The following SNTG2 variants were observed in gnomAD, a reference collection of about 807,000 sequenced individuals.
SNTG2 encodes the protein gamma-2-syntrophin.
Under a neutral mutation model 70.9 loss-of-function variants are expected in SNTG2, and 74 were observed. That is an observed-to-expected ratio of 1.04 (90% CI 0.86 to 1.27). SNTG2 has a LOEUF of 1.27. Among genes scored for constraint, SNTG2 ranks in the 50% most tolerant of loss-of-function variants. SNTG2 has a pLI of 0.00. For synonymous variants in SNTG2, 278 were observed against 273.8 expected, an observed-to-expected ratio of 1.02 and a Z score of -0.15; for missense variants, 717 against 690.7, an observed-to-expected ratio of 1.04 and a Z score of -0.43.
chr2:1,140,552 A>G (rs1012209387), intron 6 of SNTG2, among the ~76,000 whole-genome samples: 1 of 152,186 alleles, frequency 6.6e-6, no homozygotes, highest in Admixed American at 6.5e-5. Context: ...ACTGATCCCG[A>G]GTGAGGCGCT....
chr2:1,302,271 ATTATGTTTTATGG>A (rs1369286665), intron 14 of SNTG2, among the ~76,000 whole-genome samples: 2 of 152,094 alleles, frequency 1.3e-5, no homozygotes, highest in Admixed American at 1.3e-4. Flanking sequence ...TGTTTACTAA[ATTATGTTTTATGG>A]TCGAAGAAAA....
chr2:1,006,089 A>G (rs1453415367), intron 1 of SNTG2, among the ~76,000 whole-genome samples: 1 of 146,848 alleles, frequency 6.8e-6, no homozygotes, highest in Admixed American at 7.0e-5. Flanking sequence ...AACACCGCAT[A>G]TTCTCACTCA....
intron 14 of SNTG2, among the ~76,000 whole-genome samples, chr2:1,285,236 G>A (rs920204346): frequency 4.6e-5 from 7 of 151,964 alleles, no homozygotes; most frequent in Non-Finnish European, 1.0e-4. Context: ...ATTAAGGGTG[G>A]GTCTGCCTTT....
intron 4 of SNTG2, 133 bp from the exon 5 acceptor site, chr2:1,137,489 C>A: frequency 1.2e-6 from 1 of 828,922 alleles, no homozygotes; most frequent in South Asian, 1.6e-5. Context: ...CACATCTGCT[C>A]ACGTGGACAC....
intron 1 of SNTG2, among the ~76,000 whole-genome samples, chr2:989,325 C>T (rs972092955): frequency 1.4e-5 from 2 of 148,004 alleles, no homozygotes; most frequent in African/African-American, 5.0e-5. Flanking sequence ...ATAAATAGTC[C>T]CTTTTTCTCC....
intron 8 of SNTG2, among the ~76,000 whole-genome samples, chr2:1,173,933 T>C (rs556386385): frequency 3.9e-4 from 59 of 152,376 alleles, no homozygotes; most frequent in African/African-American, 1.2e-3. Context: ...AAAAAATGTT[T>C]TATTATAAAT....
At chr2:1,328,471 T>C (rs1019784991) in intron 16 of SNTG2, among the ~76,000 whole-genome samples, 3 of 151,592 alleles carry the variant, frequency 2.0e-5, no homozygotes, top group African/African-American at 7.3e-5. Flanking sequence ...CAAAAAAGAG[T>C]TTTGTGGCAC....
At chr2:1,109,108 G>C (rs535035868) in intron 4 of SNTG2, among the ~76,000 whole-genome samples, 2 of 151,886 alleles carry the variant, frequency 1.3e-5, no homozygotes, top group African/African-American at 2.4e-5. Flanking sequence ...TCACTGGGGC[G>C]CAGGGTATGG....
intron 6 of SNTG2, among the ~76,000 whole-genome samples, chr2:1,139,698 G>A (rs996923617): frequency 1.3e-5 from 2 of 151,956 alleles, no homozygotes; most frequent in East Asian, 1.9e-4. Context: ...GCATGGTGGC[G>A]CATACCTGTA....
At chr2:1,217,322 G>A (rs1157095182) in intron 9 of SNTG2, among the ~76,000 whole-genome samples, 1 of 152,134 alleles carries the variant, frequency 6.6e-6, no homozygotes, top group East Asian at 1.9e-4. Context: ...TACTCAAGTG[G>A]TTCTTTGGTA....
intron 15 of SNTG2, among the ~76,000 whole-genome samples, chr2:1,310,711 C>T (rs1273501059): frequency 2.0e-5 from 3 of 152,186 alleles, no homozygotes; most frequent in Non-Finnish European, 4.4e-5. Flanking sequence ...TTTCCCATTT[C>T]CCTGGCGTGG....
chr2:1,181,441 A>T (rs1362313282), intron 8 of SNTG2, among the ~76,000 whole-genome samples: 1 of 152,146 alleles, frequency 6.6e-6, no homozygotes. Context: ...CTTCACTTTC[A>T]TCCTCCCAGG....
chr2:1,327,668 G>A (rs1245432854), intron 16 of SNTG2, among the ~76,000 whole-genome samples: 3 of 152,070 alleles, frequency 2.0e-5, no homozygotes, highest in Admixed American at 1.3e-4. Flanking sequence ...TGCAGGTATC[G>A]TAAAAGCAAG....
intron 9 of SNTG2, among the ~76,000 whole-genome samples, chr2:1,213,765 A>G (rs529107823): frequency 6.6e-6 from 1 of 152,244 alleles, no homozygotes; most frequent in Non-Finnish European, 1.5e-5. Context: ...CAAACATGCA[A>G]ACCTCACAAA....
chr2:1,140,625 A>G (rs921541054), intron 6 of SNTG2, among the ~76,000 whole-genome samples: 1 of 152,264 alleles, frequency 6.6e-6, no homozygotes, highest in Non-Finnish European at 1.5e-5. Flanking sequence ...ACAGCCTGGC[A>G]GGGCCACAGC....
At chr2:1,252,102 C>A (rs1214357704) in intron 12 of SNTG2, among the ~76,000 whole-genome samples, 1 of 152,208 alleles carries the variant, frequency 6.6e-6, no homozygotes, top group Non-Finnish European at 1.5e-5. Context: ...GCTCCCGATG[C>A]TGTGAGGCTG....
chr2:1,260,805 C>A (rs1196603094), intron 13 of SNTG2, among the ~76,000 whole-genome samples: 1 of 138,712 alleles, frequency 7.2e-6, no homozygotes, highest in Non-Finnish European at 1.6e-5. Flanking sequence ...GAATTCTTGG[C>A]CTTTTTGTTT....
intron 1 of SNTG2, among the ~76,000 whole-genome samples, chr2:1,020,071 A>G (rs1660076554): frequency 6.6e-6 from 1 of 152,104 alleles, no homozygotes; most frequent in Non-Finnish European, 1.5e-5. Context: ...CAACACAGAA[A>G]CACTATGGGC....
At chr2:1,236,407 A>G (rs1348738545) in intron 9 of SNTG2, among the ~76,000 whole-genome samples, 1 of 152,224 alleles carries the variant, frequency 6.6e-6, no homozygotes, top group Non-Finnish European at 1.5e-5. Flanking sequence ...GGTGATCAGA[A>G]AGGGCTGTGC....
Sources: allele counts gnomAD v4.1 joint callset (sites outside exome capture counted in the v4.1 genomes callset), GRCh38; gene constraint gnomAD v4.1.1; transcripts MANE v1.5; gene names NCBI Gene and HGNC (gene_info 2026-07-23, HGNC 2026-07-21).